MBD5: variants seen among roughly 807,000 people sequenced by gnomAD.
The protein encoded by MBD5 is methyl-CpG binding domain protein 5, also known as methyl-CpG-binding domain protein 5.
In MBD5, 13 loss-of-function variants were observed where a neutral mutation model predicts 117.3. That is an observed-to-expected ratio of 0.11 (90% confidence interval 0.07 to 0.18). The LOEUF (loss-of-function observed/expected upper bound fraction) is 0.18, where lower values mean the gene tolerates loss of function less well. Among genes scored for constraint, MBD5 ranks in the 10% least tolerant of loss-of-function variants. The pLI is 1.00. For synonymous variants in MBD5, 727 were observed against 766.4 expected (o/e 0.95, Z 0.85); for missense variants, 1,879 against 2,093.8 (o/e 0.90, Z 2.00).
chr2:148,089,121 A>G (rs531562702), intron 1 of MBD5, among the ~76,000 whole-genome samples: 18 of 152,276 alleles, frequency 1.2e-4, no homozygotes, highest in African/African-American at 4.3e-4. Flanking sequence ...ACATTATACA[A>G]TCATAAAAGG....
At chr2:148,290,213 C>T (rs1701470538) in intron 3 of MBD5, among the ~76,000 whole-genome samples, 1 of 149,858 alleles carries the variant, frequency 6.7e-6, no homozygotes, top group Admixed American at 6.7e-5. Flanking sequence ...CTGCCTCAGC[C>T]TCCCAAAGTC....
intron 11 of MBD5, among the ~76,000 whole-genome samples, chr2:148,500,470 A>G (rs1681838934): frequency 6.6e-6 from 1 of 152,188 alleles, no homozygotes; most frequent in African/African-American, 2.4e-5. Context: ...TTGCAGTAGT[A>G]TCATATTAAA....
At chr2:148,185,963 G>T (rs907729840) in intron 2 of MBD5, among the ~76,000 whole-genome samples, 2 of 152,152 alleles carry the variant, frequency 1.3e-5, no homozygotes, top group South Asian at 4.1e-4. Flanking sequence ...AGCATGATTT[G>T]CGTATCTCTG....
At chr2:148,202,155 G>A (rs1458722083) in intron 2 of MBD5, among the ~76,000 whole-genome samples, 3 of 152,190 alleles carry the variant, frequency 2.0e-5, no homozygotes, top group Non-Finnish European at 4.4e-5. Context: ...CCTGCATGGA[G>A]CTTACTACCT....
intron 1 of MBD5, among the ~76,000 whole-genome samples, chr2:148,029,139 C>G (rs1199952558): frequency 6.6e-6 from 1 of 152,068 alleles, no homozygotes; most frequent in Non-Finnish European, 1.5e-5. Context: ...TAGCTATAAG[C>G]TTTCCTAAAT....
At chr2:148,245,304 C>T (rs1344715395) in intron 3 of MBD5, among the ~76,000 whole-genome samples, 1 of 152,148 alleles carries the variant, frequency 6.6e-6, no homozygotes, top group East Asian at 1.9e-4. Context: ...CAGCTCACTG[C>T]AACCTCCGCC....
chr2:148,314,643 G>A (rs1027795497), intron 3 of MBD5, among the ~76,000 whole-genome samples: 5 of 152,080 alleles, frequency 3.3e-5, no homozygotes, highest in Admixed American at 6.5e-5. Context: ...CTCCCAAAGT[G>A]CTGGGATTAC....
chr2:148,440,077 A>G (rs6739839), intron 4 of MBD5, among the ~76,000 whole-genome samples: 7,459 of 152,248 alleles, frequency 0.049, 556 homozygotes, highest in African/African-American at 0.17. Flanking sequence ...TAGTATCATA[A>G]TTTGATCTTA....
At chr2:148,121,073 C>T (rs1286811867) in intron 1 of MBD5, among the ~76,000 whole-genome samples, 1 of 152,142 alleles carries the variant, frequency 6.6e-6, no homozygotes, top group Non-Finnish European at 1.5e-5. Context: ...AAATATCTTT[C>T]ACCTTTATTA....
intron 3 of MBD5, among the ~76,000 whole-genome samples, chr2:148,293,924 C>G (rs1382199740): frequency 6.6e-6 from 1 of 152,192 alleles, no homozygotes; most frequent in Non-Finnish European, 1.5e-5. Flanking sequence ...GTACTTTCTC[C>G]TACAATATTG....
chr2:148,513,093 A>G lies in MBD5; in HGVS notation c.*152A>G, dbSNP rs1682267005. On this transcript the variant is annotated 3_prime_UTR_variant, in exon 14 of 14. Coordinates refer to ENST00000642680, the MANE Select transcript of MBD5 (RefSeq NM_001378120.1). ...AGGGTGCTAAAAGAAACAGTGATAC[A>G]AAATTTTTTTGATCAGGAAGGATAA... 1.3e-6 allele frequency: 1 copy of G among 788,492 alleles called. No individual in the cohort carries two copies. The highest frequency in any genetic ancestry group is 2.1e-6 in the Non-Finnish European group (1 of 484,822). The allele number at this position is 788,492 out of a possible 1,614,324, so 48.8% of individuals were successfully genotyped here. A position where few individuals can be genotyped will look rare whatever the true frequency, so the allele number is the denominator to read the frequency against.
intron 4 of MBD5, among the ~76,000 whole-genome samples, chr2:148,417,288 CTTTTTT>C (rs745409695): frequency 1.1e-5 from 1 of 91,804 alleles, no homozygotes; most frequent in Non-Finnish European, 2.0e-5. Flanking sequence ...ATGCACAGCT[CTTTTTT>C]TTTTTTTTTT....
At chr2:148,441,714 T>C (rs2105403206) in intron 4 of MBD5, among the ~76,000 whole-genome samples, 1 of 152,058 alleles carries the variant, frequency 6.6e-6, no homozygotes, top group South Asian at 2.1e-4. Context: ...TAGTTTACAG[T>C]CCCACCAACA....
chr2:148,351,858 T>C (rs1232347016), intron 4 of MBD5, among the ~76,000 whole-genome samples: 1 of 152,046 alleles, frequency 6.6e-6, no homozygotes, highest in East Asian at 1.9e-4. Flanking sequence ...TCATGTCAGA[T>C]AACAGATGAT....
chr2:148,138,165 T>G (rs1359897464), intron 1 of MBD5, among the ~76,000 whole-genome samples: 1 of 152,214 alleles, frequency 6.6e-6, no homozygotes, highest in African/African-American at 2.4e-5. Context: ...GATGGCCTAC[T>G]ACTGTGTGAG....
At chr2:148,274,164 G>T (rs958165985) in intron 3 of MBD5, among the ~76,000 whole-genome samples, 2 of 151,954 alleles carry the variant, frequency 1.3e-5, no homozygotes, top group African/African-American at 4.8e-5. Flanking sequence ...TGTACAATGA[G>T]ACATTTAACA....
intron 2 of MBD5, among the ~76,000 whole-genome samples, chr2:148,197,115 G>T (rs913204494): frequency 6.6e-6 from 1 of 152,066 alleles, no homozygotes; most frequent in Non-Finnish European, 1.5e-5. Flanking sequence ...GAATATGGTG[G>T]AAGTGACTCT....
rs184062092 is a variant in MBD5, at chr2:148,325,046, G to A, written c.-679-17168G>A. On this transcript the variant is annotated intron_variant, in intron 3 of 13. Coordinates refer to ENST00000642680, the MANE Select transcript of MBD5 (RefSeq NM_001378120.1). The stretch of plus-strand genomic sequence containing the variant: ...TTTGTTGAGAGTTTTTAGCATGAAG[G>A]GTTGTTGAATTTTGTCACAGGCCTT... Among the ~76,000 whole-genome samples the A allele has an allele frequency of 2.0e-4, 30 of 152,160 alleles. 3 individuals are homozygous for A. In the South Asian group the frequency reaches 6.2e-3, roughly 32 times the overall value.
At position 148,363,853 on chromosome 2, in the gene MBD5, A is replaced by T. The variant is rs545115788; in HGVS notation, c.-557+21517A>T. ...AAGAAATATGGGACTATGTGAAAAG[A>T]CCAAACCTGTGTTTGATTGGTGTAC... On this transcript the variant is annotated intron_variant, in intron 4 of 13. Coordinates refer to ENST00000642680, the MANE Select transcript of MBD5 (RefSeq NM_001378120.1). Among the ~76,000 whole-genome samples the T allele has an allele frequency of 1.1e-4, 16 of 152,310 alleles. 1 individual carries two copies. The South Asian group carries it at 3.1e-3, about 30-fold the overall frequency.
Sources: gnomAD v4.1 joint callset for allele counts (sites outside exome capture counted in the v4.1 genomes callset) on GRCh38, gnomAD v4.1.1 for gene constraint, MANE v1.5 for transcripts, NCBI Gene and HGNC (gene_info 2026-07-23, HGNC 2026-07-21) for gene names.